CDH13: variants seen among roughly 807,000 people sequenced by gnomAD.
CDH13 encodes cadherin-13.
CDH13 carries 24 observed loss-of-function variants against 63.8 expected under a neutral mutation model. That is an observed-to-expected ratio of 0.38 (90% CI 0.27 to 0.53). CDH13 has a LOEUF of 0.53. Among genes scored for constraint, CDH13 ranks in the 20% least tolerant of loss-of-function variants. The pLI is 0.85. For synonymous variants in CDH13, 503 were observed against 355.3 expected, an observed-to-expected ratio of 1.42 and a Z score of -4.67; for missense variants, 1,049 against 903.1, an observed-to-expected ratio of 1.16 and a Z score of -2.07.
intron 9 of CDH13, 69 bp downstream of exon 9, chr16:83,671,041 A>G: frequency 7.4e-7 from 1 of 1,343,504 alleles, no homozygotes; most frequent in Non-Finnish European, 1.0e-6. Context: ...CAGCTCATAG[A>G]ATCATTGAGT....
intron 3 of CDH13, among the ~76,000 whole-genome samples, chr16:83,037,420 C>G (rs1247921646): frequency 2.0e-5 from 3 of 152,122 alleles, no homozygotes; most frequent in African/African-American, 7.2e-5. Flanking sequence ...CTGCCATTGC[C>G]CATGGGTCTA....
chr16:83,182,691 C>T (rs553821913), intron 4 of CDH13, among the ~76,000 whole-genome samples: 78 of 152,294 alleles, frequency 5.1e-4, no homozygotes, highest in African/African-American at 1.8e-3. Flanking sequence ...AAGTACTTTA[C>T]TTGTATTTTC....
intron 2 of CDH13, among the ~76,000 whole-genome samples, chr16:82,963,410 A>G (rs180829154): frequency 6.6e-6 from 1 of 152,222 alleles, no homozygotes; most frequent in Non-Finnish European, 1.5e-5. Flanking sequence ...CTGGAAAGAA[A>G]GTACCAGCAA....
At chr16:83,394,879 G>A (rs577156217) in intron 6 of CDH13, among the ~76,000 whole-genome samples, 1 of 152,288 alleles carries the variant, frequency 6.6e-6, no homozygotes, top group East Asian at 1.9e-4. Flanking sequence ...CAGGCACAGT[G>A]GCTCATGCCT....
chr16:83,566,874 C>G (rs1348116850), intron 7 of CDH13, among the ~76,000 whole-genome samples: 1 of 152,080 alleles, frequency 6.6e-6, no homozygotes, highest in Non-Finnish European at 1.5e-5. Context: ...AGCTCAGCAA[C>G]CAAGAGGAAA....
chr16:83,643,566 A>G (rs1402379830), intron 8 of CDH13, among the ~76,000 whole-genome samples: 1 of 152,050 alleles, frequency 6.6e-6, no homozygotes, highest in Non-Finnish European at 1.5e-5. Context: ...CTACATAGTA[A>G]TGTCTTTGTT....
chr16:82,942,528 C>A (rs1019521), intron 2 of CDH13, among the ~76,000 whole-genome samples: 1 of 152,254 alleles, frequency 6.6e-6, no homozygotes, highest in Non-Finnish European at 1.5e-5. Flanking sequence ...GCTTTCTGAG[C>A]GGATGTGCCA....
At chr16:83,573,836 A>G (rs967944770) in intron 7 of CDH13, among the ~76,000 whole-genome samples, 1 of 152,180 alleles carries the variant, frequency 6.6e-6, no homozygotes, top group Non-Finnish European at 1.5e-5. Flanking sequence ...ACTATTGAAC[A>G]CCTGCTTTGT....
At chr16:82,996,741 A>G (rs978084937) in intron 2 of CDH13, among the ~76,000 whole-genome samples, 1 of 152,156 alleles carries the variant, frequency 6.6e-6, no homozygotes, top group African/African-American at 2.4e-5. Context: ...AGTGATGATG[A>G]TTATGGTAAT....
chr16:82,726,915 TTAGAC>T, intron 1 of CDH13, among the ~76,000 whole-genome samples: 1 of 152,126 alleles, frequency 6.6e-6, no homozygotes, highest in African/African-American at 2.4e-5. Context: ...GAGGCCAGAG[TTAGAC>T]CATGACTTAC....
intron 2 of CDH13, among the ~76,000 whole-genome samples, chr16:82,889,651 C>T (rs1458314068): frequency 6.6e-6 from 1 of 152,170 alleles, no homozygotes; most frequent in Non-Finnish European, 1.5e-5. Flanking sequence ...TGATTAACAC[C>T]TGACAGATAT....
At chr16:82,924,863 T>C (rs1308957059) in intron 2 of CDH13, among the ~76,000 whole-genome samples, 2 of 152,174 alleles carry the variant, frequency 1.3e-5, no homozygotes, top group Non-Finnish European at 2.9e-5. Context: ...GTGCTATTAT[T>C]ACCCCCTCGT....
intron 5 of CDH13, among the ~76,000 whole-genome samples, chr16:83,301,896 T>C (rs1183681463): frequency 6.6e-6 from 1 of 152,082 alleles, no homozygotes; most frequent in Non-Finnish European, 1.5e-5. Context: ...GTTCTTGTTT[T>C]CTGGCAGATA....
At chr16:83,071,438 A>C (rs539949299) in intron 3 of CDH13, among the ~76,000 whole-genome samples, 1 of 152,258 alleles carries the variant, frequency 6.6e-6, no homozygotes, top group Non-Finnish European at 1.5e-5. Flanking sequence ...ACTACCATGT[A>C]GCTCTTCCCT....
intron 2 of CDH13, among the ~76,000 whole-genome samples, chr16:82,915,133 C>G (rs997450569): frequency 2.0e-5 from 3 of 152,200 alleles, no homozygotes; most frequent in African/African-American, 7.2e-5. Flanking sequence ...CCTGGATGCT[C>G]TCTGCAAAAT....
intron 2 of CDH13, among the ~76,000 whole-genome samples, chr16:82,995,930 C>G (rs575725316): frequency 2.6e-5 from 4 of 152,156 alleles, no homozygotes; most frequent in Non-Finnish European, 4.4e-5. Flanking sequence ...AGAGGAAGGT[C>G]AAATCACAAT....
chr16:83,785,674 C>G (rs1915832588), intron 13 of CDH13, among the ~76,000 whole-genome samples: 1 of 152,188 alleles, frequency 6.6e-6, no homozygotes, highest in Non-Finnish European at 1.5e-5. Flanking sequence ...GCAAGTCACT[C>G]TTGCATAGTA....
chr16:83,028,449 G>T (rs138537215), intron 2 of CDH13, among the ~76,000 whole-genome samples: 1 of 152,212 alleles, frequency 6.6e-6, no homozygotes, highest in South Asian at 2.1e-4. Flanking sequence ...AAAAGGCACC[G>T]CAGCGTGCAG....
chr16:82,776,892 A>C (rs1249473217), intron 1 of CDH13, among the ~76,000 whole-genome samples: 4 of 152,196 alleles, frequency 2.6e-5, no homozygotes, highest in Admixed American at 6.5e-5. Flanking sequence ...TGGAAGCTAG[A>C]CATTCAGAGT....
Sources: gnomAD v4.1 joint callset for allele counts (sites outside exome capture counted in the v4.1 genomes callset) on GRCh38, gnomAD v4.1.1 for gene constraint, MANE v1.5 for transcripts, NCBI Gene and HGNC (gene_info 2026-07-23, HGNC 2026-07-21) for gene names.